The following TP63 variants were observed in gnomAD, a reference collection of about 807,000 sequenced individuals.
TP63 encodes tumor protein p63, also known as tumor protein 63.
A neutral mutation model predicts 82.8 loss-of-function variants in TP63; 17 were observed. That is an observed-to-expected ratio of 0.21 (90% CI 0.14 to 0.31). The LOEUF (loss-of-function observed/expected upper bound fraction) is 0.31, where lower values mean the gene tolerates loss of function less well. Ranked by LOEUF, TP63 falls within the 10% of genes least tolerant of loss-of-function variation. TP63 has a pLI of 1.00. For synonymous variants in TP63, 330 were observed against 321.7 expected, an observed-to-expected ratio of 1.03 and a Z score of -0.28; for missense variants, 648 against 895.3, an observed-to-expected ratio of 0.72 and a Z score of 3.52.
intron 4 of TP63, among the ~76,000 whole-genome samples, chr3:189,817,294 G>T (rs1430326841): frequency 6.6e-6 from 1 of 152,174 alleles, no homozygotes; most frequent in Non-Finnish European, 1.5e-5. Context: ...TAAATAAGAA[G>T]ACTAATGATT....
At chr3:189,692,750 C>T (rs892736964) in intron 1 of TP63, among the ~76,000 whole-genome samples, 4 of 152,126 alleles carry the variant, frequency 2.6e-5, no homozygotes, top group African/African-American at 7.2e-5. Flanking sequence ...AGTGAAGATA[C>T]GGAGATGTTG....
chr3:189,894,800 A>G lies in TP63; in HGVS notation c.*298A>G. The G allele has an allele frequency of 1.6e-5, 7 of 434,458 alleles. No homozygotes were observed. Among genetic ancestry groups the G allele is most frequent in the South Asian group, 6.1e-5 (2 of 32,874 alleles). 26.9% of individuals were successfully genotyped at this position (434,458 alleles called of 1,614,324 possible). On this transcript the variant is annotated 3_prime_UTR_variant, in exon 14 of 14. Transcript: ENST00000264731. Reference sequence around the variant, plus strand: ...CTGCAGAGATTTCTCATTGACTTTTATAAAGCATGTTCACCCTTATAGTCT... The same window carrying G: ...CTGCAGAGATTTCTCATTGACTTTTGTAAAGCATGTTCACCCTTATAGTCT...
At chr3:189,823,822 A>G (rs1233880629) in intron 4 of TP63, among the ~76,000 whole-genome samples, 2 of 152,186 alleles carry the variant, frequency 1.3e-5, no homozygotes, top group African/African-American at 4.8e-5. Flanking sequence ...TAGGAAGTCT[A>G]TCATGCAAAC....
At chr3:189,631,602 C>G (rs1393191273) in intron 1 of TP63, 25 bp downstream of exon 1, 1 of 1,612,342 alleles carries the variant, frequency 6.2e-7, no homozygotes, top group East Asian at 2.2e-5. Context: ...GACATAACTT[C>G]TCTCAAAACT....
At chr3:189,624,446 C>T in the TP63 span, among the ~76,000 whole-genome samples, 1 of 152,086 alleles carries the variant, frequency 6.6e-6, no homozygotes, top group Non-Finnish European at 1.5e-5. Context: ...TCAATATAGC[C>T]TTTAAGAAGT....
chr3:189,761,541 C>T (rs1273262179), intron 3 of TP63, among the ~76,000 whole-genome samples: 1 of 144,336 alleles, frequency 6.9e-6, no homozygotes, highest in African/African-American at 2.4e-5. Context: ...ATATCACTAT[C>T]AGCATTTTTG....
At chr3:189,811,211 A>G (rs9871386) in intron 4 of TP63, among the ~76,000 whole-genome samples, 4,375 of 152,286 alleles carry the variant, frequency 0.029, 127 homozygotes, top group African/African-American at 0.073. Flanking sequence ...AGAGGATGAG[A>G]ATGGAGAAAC....
chr3:189,799,794 G>T (rs1391155624), intron 3 of TP63, among the ~76,000 whole-genome samples: 1 of 151,990 alleles, frequency 6.6e-6, no homozygotes. Flanking sequence ...AATCAAATTT[G>T]GACACAGACT....
intron 1 of TP63, among the ~76,000 whole-genome samples, chr3:189,669,837 A>G (rs1199591853): frequency 1.3e-5 from 2 of 152,062 alleles, no homozygotes; most frequent in East Asian, 1.9e-4. Flanking sequence ...GACTCACCCA[A>G]AAGTGGCAAG....
chr3:189,894,651 C>G lies in TP63; in HGVS notation c.*149C>G. On this transcript the variant is annotated 3_prime_UTR_variant, in exon 14 of 14. Coordinates refer to ENST00000264731, the MANE Select transcript of TP63 (RefSeq NM_003722.5). ...AGGAGAAGTAAGAGGCTACCTCTTA[C>G]CTAACATCTGACCTGGCATCTAATT... The G allele has an allele frequency of 1.1e-6, 1 of 926,188 alleles. No individual in the cohort carries two copies. Among genetic ancestry groups the G allele is most frequent in the Non-Finnish European group, 1.6e-6 (1 of 616,064 alleles). 57.4% of individuals were successfully genotyped at this position (926,188 alleles called of 1,614,324 possible).
chr3:189,720,103 C>T (rs1385230918), intron 1 of TP63, among the ~76,000 whole-genome samples: 1 of 152,146 alleles, frequency 6.6e-6, no homozygotes, highest in Non-Finnish European at 1.5e-5. Context: ...CCAGCAAGCT[C>T]GGCCCACAAG....
intron 3 of TP63, among the ~76,000 whole-genome samples, chr3:189,801,846 T>C (rs1726341560): frequency 6.6e-6 from 1 of 152,242 alleles, no homozygotes; most frequent in Non-Finnish European, 1.5e-5. Context: ...TCTTATATTT[T>C]GTTCTTTGTA....
chr3:189,784,579 A>G (rs575849778), intron 3 of TP63, among the ~76,000 whole-genome samples: 2 of 152,122 alleles, frequency 1.3e-5, no homozygotes, highest in African/African-American at 2.4e-5. Context: ...TTAACCATAA[A>G]AAGTGCAGAA....
chr3:189,771,947 G>T (rs1052233951), intron 3 of TP63, among the ~76,000 whole-genome samples: 1 of 152,026 alleles, frequency 6.6e-6, no homozygotes, highest in Non-Finnish European at 1.5e-5. Flanking sequence ...ATAGCATTTC[G>T]GAAACTGTTG....
intron 3 of TP63, among the ~76,000 whole-genome samples, chr3:189,774,431 C>T (rs1280515079): frequency 6.6e-6 from 1 of 152,124 alleles, no homozygotes; most frequent in African/African-American, 2.4e-5. Flanking sequence ...TGACCAAATA[C>T]TTTTGTGAGC....
At chr3:189,881,292 G>C in intron 10 of TP63, 1 of 985,240 alleles carries the variant, frequency 1.0e-6, no homozygotes, top group Non-Finnish European at 1.2e-6. Flanking sequence ...CAAAAGTTTA[G>C]AGAATCTCTG....
intron 1 of TP63, among the ~76,000 whole-genome samples, chr3:189,710,276 A>G (rs1385254177): frequency 2.0e-5 from 3 of 152,310 alleles, no homozygotes; most frequent in East Asian, 1.9e-4. Flanking sequence ...GGAGAAAAAT[A>G]TAGCTGAAAG....
chr3:189,796,733 C>T (rs1725746719), intron 3 of TP63, among the ~76,000 whole-genome samples: 1 of 151,986 alleles, frequency 6.6e-6, no homozygotes, highest in South Asian at 2.1e-4. Context: ...TATACTTCCC[C>T]ACAGTTGATT....
At chr3:189,677,964 T>C (rs865918834) in intron 1 of TP63, among the ~76,000 whole-genome samples, 6 of 152,130 alleles carry the variant, frequency 3.9e-5, no homozygotes, top group Middle Eastern at 6.8e-3. Flanking sequence ...GTTTTTGTTA[T>C]GATGTTGGAG....
Sources: allele counts gnomAD v4.1 joint callset (sites outside exome capture counted in the v4.1 genomes callset), GRCh38; gene constraint gnomAD v4.1.1; transcripts MANE v1.5; gene names NCBI Gene and HGNC (gene_info 2026-07-23, HGNC 2026-07-21).